Variants in RERG observed in about 807,000 individuals in gnomAD.
The protein encoded by RERG is RAS like estrogen regulated growth inhibitor.
RERG carries 25 observed loss-of-function variants against 23.2 expected under a neutral mutation model. The ratio of observed to expected loss-of-function variants is 1.08; its 90% CI spans 0.79 to 1.50. The LOEUF (loss-of-function observed/expected upper bound fraction) is 1.50. Ranked by LOEUF, RERG falls within the 40% of genes most tolerant of loss-of-function variation. The pLI, the probability that RERG is intolerant of heterozygous loss-of-function variation, is 0.00. For missense variants in RERG, 253 were observed against 250.1 expected (o/e 1.01, Z -0.08); for synonymous variants, 81 against 89.1 (o/e 0.91, Z 0.51).
At chr12:15,177,482 G>A (rs1421615352) in intron 2 of RERG, among the ~76,000 whole-genome samples, 1 of 152,038 alleles carries the variant, frequency 6.6e-6, no homozygotes, top group African/African-American at 2.4e-5. Flanking sequence ...AATTCATACA[G>A]AGCAATTCTC....
chr12:15,132,850 A>C (rs1365443871), intron 2 of RERG, among the ~76,000 whole-genome samples: 1 of 151,874 alleles, frequency 6.6e-6, no homozygotes, highest in Non-Finnish European at 1.5e-5. Context: ...ATCTTCTTTG[A>C]TGGGGTGTCT....
chr12:15,128,888 C>T (rs994141127), intron 2 of RERG, among the ~76,000 whole-genome samples: 6 of 152,144 alleles, frequency 3.9e-5, no homozygotes, highest in South Asian at 2.1e-4. Flanking sequence ...TCCAATTCCT[C>T]GTCCCCTGGG....
chr12:15,191,015 C>G (rs1267663424), intron 2 of RERG, among the ~76,000 whole-genome samples: 1 of 152,140 alleles, frequency 6.6e-6, no homozygotes, highest in Non-Finnish European at 1.5e-5. Flanking sequence ...CCACTCTCAG[C>G]TAACAGTCTT....
At chr12:15,211,957 G>T (rs945088469) in intron 2 of RERG, among the ~76,000 whole-genome samples, 2 of 151,398 alleles carry the variant, frequency 1.3e-5, no homozygotes, top group Non-Finnish European at 2.9e-5. Flanking sequence ...TCACATTCAC[G>T]TGGTATGCAC....
chr12:15,154,548 A>C (rs1349500647), intron 2 of RERG, among the ~76,000 whole-genome samples: 1 of 152,234 alleles, frequency 6.6e-6, no homozygotes, highest in African/African-American at 2.4e-5. Context: ...AAATAGCTAA[A>C]GTAACCTGAT....
At chr12:15,113,535 CA>C (rs1348350133) in intron 3 of RERG, among the ~76,000 whole-genome samples, 1 of 151,956 alleles carries the variant, frequency 6.6e-6, no homozygotes, top group Non-Finnish European at 1.5e-5. Flanking sequence ...CAGAAAAATA[CA>C]GTATCACTAG....
At chr12:15,210,471 C>T (rs1252556556) in intron 2 of RERG, among the ~76,000 whole-genome samples, 1 of 152,132 alleles carries the variant, frequency 6.6e-6, no homozygotes, top group Non-Finnish European at 1.5e-5. Flanking sequence ...GTTTCCCCCC[C>T]AATCATATTT....
chr12:15,122,225 C>T (rs1007977491), intron 2 of RERG, among the ~76,000 whole-genome samples: 1 of 152,100 alleles, frequency 6.6e-6, no homozygotes, highest in African/African-American at 2.4e-5. Flanking sequence ...TCATATTTTA[C>T]AGTTTTAAAA....
At chr12:15,216,407 A>T (rs1056923210) in intron 2 of RERG, among the ~76,000 whole-genome samples, 1 of 152,258 alleles carries the variant, frequency 6.6e-6, no homozygotes, top group Non-Finnish European at 1.5e-5. Flanking sequence ...AAGAGGGAAG[A>T]TTACTGCTGA....
chr12:15,147,686 A>G (rs1359029421), intron 2 of RERG, among the ~76,000 whole-genome samples: 1 of 152,232 alleles, frequency 6.6e-6, no homozygotes, highest in Non-Finnish European at 1.5e-5. Context: ...AGAGCTGAGC[A>G]AACTAAAAGG....
In RERG at chr12:15,217,052, C is replaced by T. The variant is rs143778279; in HGVS notation, c.61+377G>A. ...CACATGCTTGACACTGGACTGTTTG[C>T]TGAGAATATCAAAATGAATGAGATG... On this transcript the variant is annotated intron_variant, in intron 2 of 4. Coordinates refer to ENST00000256953, the MANE Select transcript of RERG (RefSeq NM_032918.3). The T allele has an allele frequency of 5.0e-3, 851 of 169,142 alleles. 11 individuals carry two copies. Among genetic ancestry groups the T allele is most frequent in the African/African-American group, 0.019 (801 of 41,868 alleles). The allele number at this position is 169,142 out of a possible 1,614,324, so 10.5% of individuals were successfully genotyped here. A position where few individuals can be genotyped will look rare whatever the true frequency, so the allele number is the denominator to read the frequency against.
chr12:15,117,617 T>C (rs545145911), intron 3 of RERG, among the ~76,000 whole-genome samples: 1 of 152,002 alleles, frequency 6.6e-6, no homozygotes, highest in Non-Finnish European at 1.5e-5. Context: ...GTCGCAGTAG[T>C]GATAGAGGCT....
intron 2 of RERG, among the ~76,000 whole-genome samples, chr12:15,198,613 C>G (rs1326020640): frequency 6.6e-6 from 1 of 152,126 alleles, no homozygotes; most frequent in Non-Finnish European, 1.5e-5. Context: ...TAGTGGCCTA[C>G]AACAATCAAA....
At chr12:15,122,793 T>A (rs575068502) in intron 2 of RERG, among the ~76,000 whole-genome samples, 1 of 151,932 alleles carries the variant, frequency 6.6e-6, no homozygotes, top group Non-Finnish European at 1.5e-5. Flanking sequence ...TAGTTGTTTT[T>A]TTTTTTGTTT....
intron 2 of RERG, among the ~76,000 whole-genome samples, chr12:15,205,018 T>C (rs1292340677): frequency 6.6e-6 from 1 of 151,928 alleles, no homozygotes; most frequent in Non-Finnish European, 1.5e-5. Flanking sequence ...ATGTAAGATA[T>C]CATCATTGAG....
intron 2 of RERG, among the ~76,000 whole-genome samples, chr12:15,203,394 C>T (rs1207483481): frequency 6.6e-6 from 1 of 151,548 alleles, no homozygotes; most frequent in Non-Finnish European, 1.5e-5. Context: ...TCATTAAACA[C>T]TCAACAAACT....
chr12:15,114,617 A>G (rs1347777475), intron 3 of RERG: 5 of 152,234 alleles, frequency 3.3e-5, no homozygotes, highest in Non-Finnish European at 7.3e-5. Flanking sequence ...CTCTACACCG[A>G]CAATGAGAGT....
intron 2 of RERG, among the ~76,000 whole-genome samples, chr12:15,165,169 C>T (rs1345076911): frequency 6.6e-6 from 1 of 152,118 alleles, no homozygotes; most frequent in East Asian, 1.9e-4. Flanking sequence ...CCTGCTGAGC[C>T]CTGGCTGCAT....
At chr12:15,163,903 G>C (rs568900445) in intron 2 of RERG, among the ~76,000 whole-genome samples, 16 of 152,154 alleles carry the variant, frequency 1.1e-4, no homozygotes, top group Non-Finnish European at 2.2e-4. Flanking sequence ...ACAGGAAGGG[G>C]TAGGGCGGAG....
Sources: gnomAD v4.1 joint callset for allele counts (sites outside exome capture counted in the v4.1 genomes callset) on GRCh38, gnomAD v4.1.1 for gene constraint, MANE v1.5 for transcripts, NCBI Gene and HGNC (gene_info 2026-07-23, HGNC 2026-07-21) for gene names.